Variants in DOK6 observed in about 807,000 individuals in gnomAD.
The protein encoded by DOK6 is downstream of tyrosine kinase 6.
Under a neutral mutation model 44.0 loss-of-function variants are expected in DOK6, and 22 were observed. The observed-to-expected ratio is 0.50, with a 90% CI of 0.36 to 0.71. DOK6 has a LOEUF of 0.71. Among genes scored for constraint, DOK6 ranks in the 30% least tolerant of loss-of-function variants. DOK6 has a pLI of 0.00. For synonymous variants in DOK6, 166 were observed against 145.5 expected, an observed-to-expected ratio of 1.14 and a Z score of -1.01; for missense variants, 340 against 416.4, an observed-to-expected ratio of 0.82 and a Z score of 1.60.
chr18:69,829,450 T>G (rs1221788052), intron 7 of DOK6, among the ~76,000 whole-genome samples: 2 of 152,048 alleles, frequency 1.3e-5, no homozygotes, highest in Non-Finnish European at 1.5e-5. Flanking sequence ...GCTGAGGAAC[T>G]TGAGGGAAAG....
At chr18:69,693,718 G>A (rs1162671212) in intron 4 of DOK6, among the ~76,000 whole-genome samples, 1 of 152,000 alleles carries the variant, frequency 6.6e-6, no homozygotes, top group African/African-American at 2.4e-5. Flanking sequence ...ACCTCCACCT[G>A]CCAGTCTCAG....
chr18:69,539,598 GT>G (rs575327434), intron 1 of DOK6, among the ~76,000 whole-genome samples: 3 of 151,546 alleles, frequency 2.0e-5, no homozygotes, highest in Non-Finnish European at 2.9e-5. Context: ...TGGATAGATT[GT>G]CATGTCAGCA....
intron 1 of DOK6, among the ~76,000 whole-genome samples, chr18:69,462,090 T>C (rs2122475977): frequency 6.6e-6 from 1 of 152,354 alleles, no homozygotes; most frequent in East Asian, 1.9e-4. Context: ...GTAGATAGGA[T>C]ATCTCTTTTT....
chr18:69,414,836 G>A (rs1440569204), intron 1 of DOK6, among the ~76,000 whole-genome samples: 1 of 151,962 alleles, frequency 6.6e-6, no homozygotes, highest in African/African-American at 2.4e-5. Flanking sequence ...GTAAGAAGGA[G>A]CATCAAAACC....
intron 2 of DOK6, among the ~76,000 whole-genome samples, chr18:69,583,752 C>A (rs1189759919): frequency 1.9e-4 from 27 of 143,766 alleles, no homozygotes; most frequent in African/African-American, 6.1e-4. Context: ...TCCATCCATA[C>A]AAAAAAAAAA....
intron 1 of DOK6, among the ~76,000 whole-genome samples, chr18:69,520,137 A>T (rs1981645408): frequency 6.6e-6 from 1 of 151,836 alleles, no homozygotes; most frequent in African/African-American, 2.4e-5. Context: ...GACATTTATT[A>T]TTATTAAAGA....
intron 2 of DOK6, among the ~76,000 whole-genome samples, chr18:69,596,076 T>C (rs1983734235): frequency 6.6e-6 from 1 of 152,096 alleles, no homozygotes; most frequent in South Asian, 2.1e-4. Flanking sequence ...ATGATAGGTA[T>C]ATGAGAGATA....
At chr18:69,672,876 G>A (rs1192817118) in intron 3 of DOK6, among the ~76,000 whole-genome samples, 2 of 152,156 alleles carry the variant, frequency 1.3e-5, no homozygotes, top group African/African-American at 2.4e-5. Flanking sequence ...TATTCTCTAA[G>A]CAATAGCCTG....
At chr18:69,778,496 C>T (rs762102575) in intron 7 of DOK6, among the ~76,000 whole-genome samples, 10 of 152,212 alleles carry the variant, frequency 6.6e-5, no homozygotes, top group Admixed American at 2.0e-4. Flanking sequence ...AAACACTTCA[C>T]TCAGAAGTTA....
intron 7 of DOK6, among the ~76,000 whole-genome samples, chr18:69,763,728 C>T (rs1979633346): frequency 6.6e-6 from 1 of 152,160 alleles, no homozygotes; most frequent in Non-Finnish European, 1.5e-5. Flanking sequence ...CACCATTAGA[C>T]ATATTTAGAT....
intron 1 of DOK6, among the ~76,000 whole-genome samples, chr18:69,431,298 G>A (rs1489184707): frequency 6.6e-6 from 1 of 152,180 alleles, no homozygotes; most frequent in African/African-American, 2.4e-5. Flanking sequence ...ACAGAGTTGA[G>A]ATAATTACAG....
chr18:69,698,555 C>T lies in DOK6; in HGVS notation c.561C>T (p.Tyr187=), dbSNP rs140364582. 3.5e-4 allele frequency: 561 copies of T among 1,613,906 alleles called. 2 individuals carry two copies. The East Asian group carries it at 0.01, about 29-fold the overall frequency. The change falls in exon 5 of 8, where the codon TAC becomes TAT. Residue 187 remains tyrosine (Y), a synonymous_variant. Coordinates refer to ENST00000382713, the MANE Select transcript of DOK6 (RefSeq NM_152721.6). ...GGCCTCTCAGCTCACTGAGGAGATA[C>T]GGTCGGGACTCAACGTGGTTCACGT... is the stretch of plus-strand genomic sequence containing the variant. ...VMWPLSSLRR[Y]GRDSTWFTFE... is the part of the protein sequence containing the mutation.
intron 7 of DOK6, among the ~76,000 whole-genome samples, chr18:69,769,302 A>C (rs1979818620): frequency 6.6e-6 from 1 of 152,064 alleles, no homozygotes; most frequent in African/African-American, 2.4e-5. Context: ...TTCATCAGGA[A>C]AGTTCATTCT....
intron 4 of DOK6, among the ~76,000 whole-genome samples, chr18:69,686,411 G>A (rs932960410): frequency 6.6e-6 from 1 of 152,076 alleles, no homozygotes; most frequent in Non-Finnish European, 1.5e-5. Context: ...AATTTCTTGA[G>A]ATAGATATTT....
chr18:69,683,592 G>A (rs1295694589), intron 4 of DOK6, among the ~76,000 whole-genome samples: 3 of 152,200 alleles, frequency 2.0e-5, no homozygotes, highest in African/African-American at 4.8e-5. Flanking sequence ...CACAAGCCAA[G>A]GAACATCAAG....
intron 1 of DOK6, among the ~76,000 whole-genome samples, chr18:69,559,465 A>G (rs1196507878): frequency 6.6e-6 from 1 of 152,142 alleles, no homozygotes; most frequent in Non-Finnish European, 1.5e-5. Flanking sequence ...ATTAATGAAT[A>G]GCTAAAAGAT....
chr18:69,531,239 A>G (rs985105320), intron 1 of DOK6, among the ~76,000 whole-genome samples: 2 of 147,150 alleles, frequency 1.4e-5, no homozygotes, highest in Admixed American at 1.4e-4. Context: ...TTTTTTAAGT[A>G]TATATATAAT....
intron 7 of DOK6, among the ~76,000 whole-genome samples, chr18:69,836,848 A>G (rs1982068109): frequency 6.6e-6 from 1 of 152,230 alleles, no homozygotes; most frequent in African/African-American, 2.4e-5. Context: ...CATAATTCAA[A>G]TGAACATTGA....
chr18:69,582,521 T>TCTTCCTTC (rs948944564), intron 2 of DOK6, among the ~76,000 whole-genome samples: 5 of 152,226 alleles, frequency 3.3e-5, no homozygotes, highest in African/African-American at 1.2e-4. Flanking sequence ...CTCTTTTTCA[T>TCTTCCTTC]CTTCCTTCCT....
Sources: gnomAD v4.1 joint callset for allele counts (sites outside exome capture counted in the v4.1 genomes callset) on GRCh38, gnomAD v4.1.1 for gene constraint, MANE v1.5 for transcripts, NCBI Gene and HGNC (gene_info 2026-07-23, HGNC 2026-07-21) for gene names.